PCSK5: variants seen among roughly 807,000 people sequenced by gnomAD.
PCSK5 encodes the protein prohormone convertase 5.
PCSK5 carries 129 observed loss-of-function variants against 233.2 expected under a neutral mutation model. The ratio of observed to expected loss-of-function variants is 0.55; its 90% CI spans 0.48 to 0.64. The LOEUF is 0.64. Ranked by LOEUF, PCSK5 falls within the 30% of genes least tolerant of loss-of-function variation. The pLI, the probability that PCSK5 is intolerant of heterozygous loss-of-function variation, is 0.00. For missense variants in PCSK5, 2,076 were observed against 2,430.1 expected (o/e 0.85, Z 3.06); for synonymous variants, 825 against 879.2 (o/e 0.94, Z 1.09).
chr9:76,117,077 A>C (rs1394285972), intron 9 of PCSK5, among the ~76,000 whole-genome samples: 1 of 152,064 alleles, frequency 6.6e-6, no homozygotes, highest in Non-Finnish European at 1.5e-5. Context: ...CTTATTTTGA[A>C]ACAAACTTTT....
chr9:76,026,039 G>T (rs1828410236), intron 4 of PCSK5, among the ~76,000 whole-genome samples: 1 of 152,122 alleles, frequency 6.6e-6, no homozygotes, highest in African/African-American at 2.4e-5. Context: ...GAGATACAGG[G>T]TATAGTGAGC....
intron 3 of PCSK5, among the ~76,000 whole-genome samples, chr9:76,003,108 G>A (rs574424934): frequency 5.9e-5 from 9 of 152,238 alleles, no homozygotes; most frequent in Non-Finnish European, 1.2e-4. Flanking sequence ...GTAAGAGATA[G>A]CAAGAGTCTA....
At chr9:76,055,674 T>G (rs1310258989) in intron 5 of PCSK5, among the ~76,000 whole-genome samples, 1 of 152,106 alleles carries the variant, frequency 6.6e-6, no homozygotes, top group Non-Finnish European at 1.5e-5. Context: ...GGGTTGCAGA[T>G]AAAGGAGCCA....
chr9:76,167,256 G>A (rs1287317463), intron 12 of PCSK5, among the ~76,000 whole-genome samples: 1 of 152,210 alleles, frequency 6.6e-6, no homozygotes. Flanking sequence ...AAGAGAGAGA[G>A]AATAGGCTTC....
At chr9:76,251,503 G>T (rs979590419) in intron 24 of PCSK5, among the ~76,000 whole-genome samples, 1 of 149,560 alleles carries the variant, frequency 6.7e-6, no homozygotes, top group African/African-American at 2.5e-5. Context: ...GACGGAGCTT[G>T]CAGTGAGCCG....
intron 3 of PCSK5, among the ~76,000 whole-genome samples, chr9:76,008,614 G>A (rs952344283): frequency 6.6e-6 from 1 of 151,906 alleles, no homozygotes; most frequent in Non-Finnish European, 1.5e-5. Flanking sequence ...AGCGTGAGCC[G>A]CCACACCCAG....
intron 24 of PCSK5, among the ~76,000 whole-genome samples, chr9:76,272,565 G>C (rs1271602828): frequency 6.6e-6 from 1 of 151,790 alleles, no homozygotes; most frequent in Admixed American, 6.6e-5. Context: ...ACGAGGTCAG[G>C]AGATTGAGAC....
chr9:76,242,226 G>A (rs1041588529), intron 24 of PCSK5, among the ~76,000 whole-genome samples: 9 of 151,950 alleles, frequency 5.9e-5, no homozygotes, highest in African/African-American at 2.2e-4. Context: ...CGTTGTGCTA[G>A]GAATATTCTA....
At chr9:76,077,315 A>G (rs147068846) in intron 7 of PCSK5, among the ~76,000 whole-genome samples, 1 of 152,326 alleles carries the variant, frequency 6.6e-6, no homozygotes, top group East Asian at 1.9e-4. Flanking sequence ...TTGTTTTATC[A>G]TCAAAATTTC....
chr9:75,937,404 C>A (rs1312705324), intron 2 of PCSK5, among the ~76,000 whole-genome samples: 3 of 152,094 alleles, frequency 2.0e-5, no homozygotes, highest in Non-Finnish European at 4.4e-5. Flanking sequence ...GTCTTGAACT[C>A]CTGACCTCAG....
chr9:75,915,614 A>G (rs542363890), intron 1 of PCSK5, among the ~76,000 whole-genome samples: 48 of 152,352 alleles, frequency 3.2e-4, no homozygotes, highest in African/African-American at 1.2e-3. Context: ...TATTTGAACA[A>G]TGCAAATAAA....
chr9:76,069,474 A>T lies in PCSK5; in HGVS notation c.721+1431A>T, dbSNP rs544753127. ...ACCTTATTTAAAAAAAAAAAAAAGG[A>T]TATATGGCAACAAATCAAAAATGTT... On this transcript the variant is annotated intron_variant, in intron 6 of 37. Coordinates refer to ENST00000674117, the MANE Select transcript of PCSK5 (RefSeq NM_001372043.1). Among the ~76,000 whole-genome samples, 37 of 151,292 alleles carry T rather than the reference A, an allele frequency of 2.4e-4. No homozygotes were observed. The South Asian group carries it at 7.1e-3, about 29-fold the overall frequency.
Position 76,228,275 on chromosome 9 carries a change from G to A in PCSK5, c.2729+670G>A, listed in dbSNP as rs184814676. ...CCCGCCTCAGCCTCCCAAAGTGCTG[G>A]GGTTACAAGGGGTGAACTGTTTTTA... On this transcript the variant is annotated intron_variant, in intron 21 of 37. Coordinates refer to ENST00000674117, the MANE Select transcript of PCSK5 (RefSeq NM_001372043.1). 1.8e-4 allele frequency among the ~76,000 whole-genome samples: 27 copies of A among 152,118 alleles called. No homozygotes were observed. In the East Asian group the frequency reaches 4.5e-3, roughly 25 times the overall value.
intron 8 of PCSK5, among the ~76,000 whole-genome samples, chr9:76,098,055 T>C (rs1343807922): frequency 6.6e-6 from 1 of 152,220 alleles, no homozygotes; most frequent in Non-Finnish European, 1.5e-5. Context: ...CTGTACCTCC[T>C]TTGTGCAAGT....
chr9:76,201,608 A>G (rs931429654), intron 20 of PCSK5, among the ~76,000 whole-genome samples: 2 of 152,204 alleles, frequency 1.3e-5, no homozygotes, highest in African/African-American at 2.4e-5. Flanking sequence ...TCCCAGGTGC[A>G]TGTTATTAAT....
intron 20 of PCSK5, among the ~76,000 whole-genome samples, chr9:76,198,910 G>T (rs1336801574): frequency 6.6e-6 from 1 of 152,202 alleles, no homozygotes; most frequent in African/African-American, 2.4e-5. Flanking sequence ...AAGGTTCCAT[G>T]CCCTTGCACT....
chr9:76,174,150 T>TA (rs976308021), intron 13 of PCSK5, among the ~76,000 whole-genome samples: 2 of 152,114 alleles, frequency 1.3e-5, no homozygotes, highest in Non-Finnish European at 1.5e-5. Flanking sequence ...TAAGTTTAAA[T>TA]AATCAAATGT....
Position 75,892,380 on chromosome 9 carries a change from G to A in PCSK5, c.192+1007G>A, listed in dbSNP as rs77390340. ...TGGGGGTAGAGAGGGCTATGAAAGT[G>A]GGTCCCAGAAAGTACCCCCCTCCAC... On this transcript the variant is annotated intron_variant, in intron 1 of 37. Transcript: ENST00000674117. Among the ~76,000 whole-genome samples the A allele has an allele frequency of 3.7e-3, 569 of 152,324 alleles. 3 individuals are homozygous for A. The highest frequency in any genetic ancestry group is 0.013 in the African/African-American group (537 of 41,590).
At chr9:76,202,227 C>T (rs1308950211) in intron 20 of PCSK5, among the ~76,000 whole-genome samples, 4 of 152,194 alleles carry the variant, frequency 2.6e-5, no homozygotes, top group Non-Finnish European at 5.9e-5. Flanking sequence ...CTCCCAGATC[C>T]ACTTTCTGTT....
Sources: allele counts gnomAD v4.1 joint callset (sites outside exome capture counted in the v4.1 genomes callset), GRCh38; gene constraint gnomAD v4.1.1; transcripts MANE v1.5; gene names NCBI Gene and HGNC (gene_info 2026-07-23, HGNC 2026-07-21).